GGT1: variants seen among roughly 807,000 people sequenced by gnomAD.
GGT1 encodes the protein glutathione hydrolase 1 proenzyme.
GGT1 carries 21 observed loss-of-function variants against 56.0 expected under a neutral mutation model. The observed-to-expected ratio is 0.38, with a 90% confidence interval of 0.27 to 0.54. The LOEUF is 0.54. GGT1 is among the 20% of genes least tolerant of loss of function. The probability of loss-of-function intolerance (pLI) is 0.82; values close to 1 mark genes in which losing one functional copy is unlikely to be tolerated. For synonymous variants in GGT1, 238 were observed against 342.6 expected, an observed-to-expected ratio of 0.69 and a Z score of 3.37; for missense variants, 466 against 787.0, an observed-to-expected ratio of 0.59 and a Z score of 4.88.
chr22:24,586,535 C>CT, the GGT1 span: 24 of 1,078,044 alleles, frequency 2.2e-5, no homozygotes, highest in Non-Finnish European at 3.2e-5. Flanking sequence ...CAAACTGTGT[C>CT]TTTCGTATTT....
At chr22:24,624,119 G>T (rs1382415823) in intron 11 of GGT1, 10 of 985,286 alleles carry the variant, frequency 1.0e-5, no homozygotes, top group Non-Finnish European at 1.2e-5. Context: ...GACAGTGTGG[G>T]GAATTAGTGG....
intron 4 of GGT1, 62 bp from the exon 5 acceptor site, chr22:24,611,013 G>C: frequency 6.7e-7 from 1 of 1,482,668 alleles, no homozygotes; most frequent in Non-Finnish European, 9.2e-7. Flanking sequence ...GTGCCCTGTT[G>C]GGGAGGGGCC....
In GGT1 at chr22:24,611,216, G is replaced by A. The variant is rs756585639; in HGVS notation, c.135G>A (p.Ala45=). Residue 45 remains alanine (A), a synonymous_variant, in exon 5 of 16, where the codon GCG becomes GCA. Transcript: ENST00000400382. ...NHVYTRAAVA[A]DAKQCSKIGR... ...TGTACACCAGGGCTGCCGTGGCCGC[G>A]GATGCCAAGCAGTGCTCGAAGATTG... The A allele has an allele frequency of 3.1e-5, 49 of 1,571,462 alleles. No homozygotes were observed. The East Asian group carries it at 4.7e-4, about 15-fold the overall frequency.
At chr22:24,605,036 A>G (rs2045949289) in intron 1 of GGT1, among the ~76,000 whole-genome samples, 1 of 71,158 alleles carries the variant, frequency 1.4e-5, no homozygotes, top group Non-Finnish European at 2.4e-5. Context: ...ATATATATAT[A>G]AAATATGTAA....
rs1466725839 is a variant in GGT1, at chr22:24,628,650, A to G, written c.1564-43A>G. 1.9e-6 allele frequency: 3 copies of G among 1,610,850 alleles called. No individual in the cohort carries two copies. Among genetic ancestry groups the G allele is most frequent in the Non-Finnish European group, 8.5e-7 (1 of 1,179,868 alleles). ...ACCACACAGATGTGGTTCAGGTGGC[A>G]TCTGGAGCCCTGCTCAGGCTTCCCC... On this transcript the variant is annotated intron_variant, in intron 15 of 15. Coordinates refer to ENST00000400382, the MANE Select transcript of GGT1 (RefSeq NM_001288833.2). This position sits in a 1 kb window ranked among gnomAD's most constrained non-coding sequence, Gnocchi z 5.7.
rs567486305 is a variant in GGT1, at chr22:24,626,699, T to A, written c.1021-733T>A. On this transcript the variant is annotated intron_variant, in intron 11 of 15. Transcript: ENST00000400382. ...CCCACAGCCTCCCCTTTGGGCTTTA[T>A]CCTTATCCCCATCATAGCTGCCAGA... Among the ~76,000 whole-genome samples, 26 of 151,284 alleles carry A rather than the reference T, an allele frequency of 1.7e-4. No homozygotes were observed. In the South Asian group the frequency reaches 5.4e-3, roughly 31 times the overall value.
At chr22:24,589,002 G>A in the GGT1 span, 7 of 1,017,242 alleles carry the variant, frequency 6.9e-6, no homozygotes, top group Non-Finnish European at 8.2e-6. Flanking sequence ...GCAGCCCCAG[G>A]AGCAGGCAGC....
upstream of GGT1, chr22:24,599,084 G>A (rs1292535931): frequency 6.6e-6 from 1 of 152,192 alleles, no homozygotes; most frequent in East Asian, 1.9e-4. Flanking sequence ...GGTGGATTCA[G>A]TGTAAAGTCC....
Position 24,605,864 on chromosome 22 carries a change from TTA to T in GGT1, c.-428-2084_-428-2083del, listed in dbSNP as rs1237565072. On this transcript the variant is annotated intron_variant, in intron 1 of 15. Transcript: ENST00000400382. The stretch of plus-strand genomic sequence containing the variant: ...TATATTATATAATATATGATGTGTA[TTA>T]TATATTATATAATATATGATGTGTA... Among the ~76,000 whole-genome samples, 4 of 81,076 alleles carry T rather than the reference TTA, an allele frequency of 4.9e-5. 1 individual carries two copies. The Admixed American group carries it at 8.3e-4, about 17-fold the overall frequency. 53.2% of individuals were successfully genotyped at this position (81,076 alleles called of 152,430 possible).
At chr22:24,592,292 G>A (rs569908643), upstream of GGT1, 3 of 468,394 alleles carry the variant, frequency 6.4e-6, no homozygotes, top group East Asian at 2.1e-4. Flanking sequence ...GTACTCTAAG[G>A]GCATGAGCCG....
At position 24,607,765 on chromosome 22, in the gene GGT1, C is replaced by T. The variant is rs561266786; in HGVS notation, c.-428-189C>T. The T allele has an allele frequency of 2.0e-3, 670 of 334,224 alleles. 2 individuals carry two copies. The highest frequency in any genetic ancestry group is 3.8e-3 in the Admixed American group (89 of 23,502). 20.7% of individuals were successfully genotyped at this position (334,224 alleles called of 1,614,324 possible). A position where few individuals can be genotyped will look rare whatever the true frequency, so the allele number is the denominator to read the frequency against. On this transcript the variant is annotated intron_variant, in intron 1 of 15. Transcript: ENST00000400382. ...CATGAGTCCTCTGGCCGCTCCTGCT[C>T]CTTCCCTGCCTCTGCTCCTCCTCGG...
upstream of GGT1, chr22:24,592,865 G>A: frequency 7.8e-7 from 1 of 1,281,740 alleles, no homozygotes; most frequent in Non-Finnish European, 9.9e-7. Context: ...TCTCTCGCCT[G>A]GCGCAGGAGG....
At chr22:24,591,466 A>T (rs971398992), upstream of GGT1, among the ~76,000 whole-genome samples, 3 of 152,136 alleles carry the variant, frequency 2.0e-5, no homozygotes, top group Non-Finnish European at 2.9e-5. Flanking sequence ...GCCTTCTCCA[A>T]TCCATAGGTG....
upstream of GGT1, chr22:24,592,842 G>A: frequency 2.3e-6 from 3 of 1,277,586 alleles, no homozygotes; most frequent in South Asian, 4.7e-5. Context: ...CAGCCCAGGG[G>A]CGGACGGCTC....
At chr22:24,599,150 T>C (rs1393995034), upstream of GGT1, 2 of 151,996 alleles carry the variant, frequency 1.3e-5, no homozygotes, top group African/African-American at 2.4e-5. Context: ...CATCCATCCA[T>C]TCAGTGAAGA....
At chr22:24,596,932 AAAAAG>A (rs1467783067) in intron 1 of GGT1, among the ~76,000 whole-genome samples, 14 of 150,232 alleles carry the variant, frequency 9.3e-5, no homozygotes, top group African/African-American at 3.4e-4. Flanking sequence ...AAAAAAAAAA[AAAAAG>A]AACTGAAGCT....
At chr22:24,614,947 G>A in intron 6 of GGT1, 41 bp downstream of exon 6, 3 of 1,606,778 alleles carry the variant, frequency 1.9e-6, no homozygotes, top group Non-Finnish European at 2.6e-6. Context: ...GGCAGGGGGT[G>A]TGGGTTGGGC....
the GGT1 span, chr22:24,583,854 G>A: frequency 2.2e-6 from 1 of 464,194 alleles, no homozygotes; most frequent in Non-Finnish European, 4.5e-6. Context: ...GCTGGCTTAG[G>A]GCCAGTGGTG....
chr22:24,604,407 G>C (rs1014667776), intron 1 of GGT1, among the ~76,000 whole-genome samples: 1 of 152,170 alleles, frequency 6.6e-6, no homozygotes, highest in Non-Finnish European at 1.5e-5. Context: ...ACTGGCTGCC[G>C]TGTCTACCTC....
Sources: gnomAD v4.1 joint callset for allele counts (sites outside exome capture counted in the v4.1 genomes callset) on GRCh38, gnomAD v4.1.1 for gene constraint, Gnocchi (gnomAD v3.1) non-coding constraint, MANE v1.5 for transcripts, NCBI Gene and HGNC (gene_info 2026-07-23, HGNC 2026-07-21) for gene names.